UBE3A: variants seen among roughly 807,000 people sequenced by gnomAD.
UBE3A encodes the protein ubiquitin-protein ligase E3A.
UBE3A carries 6 observed loss-of-function variants against 83.4 expected under a neutral mutation model. The ratio of observed to expected loss-of-function variants is 0.07; its 90% CI spans 0.04 to 0.14. The LOEUF is 0.14. Among genes scored for constraint, UBE3A ranks in the 10% least tolerant of loss-of-function variants. The pLI is 1.00. For missense variants in UBE3A, 456 were observed against 1,036.1 expected (o/e 0.44, Z 7.69); for synonymous variants, 337 against 355.4 (o/e 0.95, Z 0.58).
intron 6 of UBE3A, among the ~76,000 whole-genome samples, chr15:25,365,963 T>C (rs562757962): frequency 1.3e-5 from 2 of 152,188 alleles, no homozygotes; most frequent in East Asian, 1.9e-4. Flanking sequence ...CCATGAGACC[T>C]GGAATCCTGA....
chr15:25,339,679 A>G (rs2074398814), intron 12 of UBE3A: 1 of 311,698 alleles, frequency 3.2e-6, no homozygotes, highest in African/African-American at 2.2e-5. Context: ...TGTGCTCTTA[A>G]ATGCTTATTA....
chr15:25,378,602 A>C (rs1329623750), intron 4 of UBE3A, among the ~76,000 whole-genome samples: 1 of 152,168 alleles, frequency 6.6e-6, no homozygotes, highest in Non-Finnish European at 1.5e-5. Context: ...TCACGAAACC[A>C]AGATCTCAAA....
In UBE3A at chr15:25,397,139, T is replaced by C. The variant is rs968454647; in HGVS notation, c.62+8322A>G. Among the ~76,000 whole-genome samples the C allele has an allele frequency of 1.6e-4, 25 of 152,180 alleles. 1 individual carries two copies. Among genetic ancestry groups the C allele is most frequent in the African/African-American group, 5.5e-4 (23 of 41,444 alleles). ...GCTGCCTGGCTACAGTTTCTAGATA[T>C]AGGAATGTGAGAAATGGTAGCAGCC... On this transcript the variant is annotated intron_variant, in intron 4 of 12. Coordinates refer to ENST00000648336, the MANE Select transcript of UBE3A (RefSeq NM_130839.5).
intron 4 of UBE3A, among the ~76,000 whole-genome samples, chr15:25,382,797 G>T (rs1325534064): frequency 6.6e-6 from 1 of 151,800 alleles, no homozygotes; most frequent in Non-Finnish European, 1.5e-5. Flanking sequence ...AAATAAATAG[G>T]ACCTTAAAAG....
intron 4 of UBE3A, among the ~76,000 whole-genome samples, chr15:25,402,655 C>CTA (rs1217006138): frequency 3.3e-5 from 5 of 152,158 alleles, no homozygotes; most frequent in African/African-American, 1.2e-4. Context: ...ATGTTAGGGT[C>CTA]TAAGTCTGGT....
intron 1 of UBE3A, chr15:25,418,195 C>T (rs1887903592): frequency 6.6e-6 from 1 of 152,102 alleles, no homozygotes; most frequent in African/African-American, 2.4e-5. Flanking sequence ...CTATTGTCAA[C>T]TATGATCTCG....
intron 3 of UBE3A, chr15:25,407,840 A>C (rs2089009219): frequency 6.6e-6 from 1 of 152,244 alleles, no homozygotes; most frequent in Non-Finnish European, 1.5e-5. Flanking sequence ...AATTTATAAT[A>C]GTTTCTGTCT....
In UBE3A at chr15:25,370,486, C is replaced by T; in HGVS notation, c.1608+80G>A. ...CTATGCTATATGGTATCATTTTTTTCAGTCACTTTTAAAATGAATTCACTG... is the reference window on the plus strand; with the variant it reads ...CTATGCTATATGGTATCATTTTTTTTAGTCACTTTTAAAATGAATTCACTG... On this transcript the variant is annotated intron_variant, in intron 6 of 12. Transcript: ENST00000648336. This position sits in a 1 kb window ranked among gnomAD's most constrained non-coding sequence, Gnocchi z 4.2. 1 of 1,524,030 alleles carries T rather than the reference C, an allele frequency of 6.6e-7. No individual in the cohort carries two copies. The highest frequency in any genetic ancestry group is 9.1e-7 in the Non-Finnish European group (1 of 1,099,828). The allele number at this position is 1,524,030 out of a possible 1,614,324, so 94.4% of individuals were successfully genotyped here. A position where few individuals can be genotyped will look rare whatever the true frequency, so the allele number is the denominator to read the frequency against.
chr15:25,410,708 G>C (rs1231641862), intron 2 of UBE3A, among the ~76,000 whole-genome samples: 3 of 152,168 alleles, frequency 2.0e-5, no homozygotes, highest in African/African-American at 7.2e-5. Flanking sequence ...GGATTGGCCT[G>C]AATATATAAA....
intron 1 of UBE3A, among the ~76,000 whole-genome samples, chr15:25,428,177 T>C (rs1346424093): frequency 6.6e-6 from 1 of 152,154 alleles, no homozygotes; most frequent in Non-Finnish European, 1.5e-5. Flanking sequence ...TCATTAAAAA[T>C]GAACTGTACA....
rs1566818201 is a variant in UBE3A at position 25,339,105 on chromosome 15, C to A, written c.*32G>T. ...TAAATTTTTTCTTTTTTTTTCCTTCCTTTTTTTTGTTTTATTTTGTTTTGT... is the reference window on the plus strand; with the variant it reads ...TAAATTTTTTCTTTTTTTTTCCTTCATTTTTTTTGTTTTATTTTGTTTTGT... On this transcript the variant is annotated 3_prime_UTR_variant, in exon 13 of 13. Transcript: ENST00000648336. The A allele has an allele frequency of 1.4e-6, 2 of 1,440,478 alleles. No homozygotes were observed. The highest frequency in any genetic ancestry group is 1.8e-6 in the Non-Finnish European group (2 of 1,088,582). 89.2% of individuals were successfully genotyped at this position (1,440,478 alleles called of 1,614,324 possible).
rs188665032 is a variant in UBE3A at position 25,412,077 on chromosome 15, A to C, written c.-164-106T>G. 5.6e-4 allele frequency: 86 copies of C among 152,314 alleles called. 3 individuals carry two copies. The highest frequency in any genetic ancestry group is 4.3e-3 in the Admixed American group (66 of 15,292). 9.4% of individuals were successfully genotyped at this position (152,314 alleles called of 1,614,324 possible). On this transcript the variant is annotated intron_variant, in intron 1 of 12. Transcript: ENST00000648336. ...TCATAAAGGCAAATTTATTTTCTAT[A>C]ATTATGAACATCCAAAAACGTATCA...
At position 25,438,807 on chromosome 15, in the gene UBE3A, CG is replaced by C. The variant is rs1895954348; in HGVS notation, c.-484del. 3 of 152,434 alleles carry C rather than the reference CG, an allele frequency of 2.0e-5. No homozygotes were observed. The highest frequency in any genetic ancestry group is 2.4e-5 in the African/African-American group (1 of 41,442). The allele number at this position is 152,434 out of a possible 1,614,324, so 9.4% of individuals were successfully genotyped here. ...CGCCGCCGCCCGCAGCCGAGCGCGCCGGGTCGGCAGAGGTGAAGCGTAAGTA... is the reference window on the plus strand; with the variant it reads ...CGCCGCCGCCCGCAGCCGAGCGCGCCGGTCGGCAGAGGTGAAGCGTAAGTA... On this transcript the variant is annotated 5_prime_UTR_variant, in exon 1 of 13. Transcript: ENST00000648336.
intron 3 of UBE3A, chr15:25,407,408 A>G: frequency 7.3e-6 from 3 of 410,014 alleles, no homozygotes; most frequent in Non-Finnish European, 6.9e-6. Flanking sequence ...AGACACAAGA[A>G]GAAAAACAAA....
chr15:25,364,299 C>A (rs1008814813), intron 6 of UBE3A, among the ~76,000 whole-genome samples: 2 of 151,970 alleles, frequency 1.3e-5, no homozygotes, highest in Non-Finnish European at 2.9e-5. Flanking sequence ...TAAAATTTAG[C>A]AATAACCATT....
Position 25,334,998 on chromosome 15 carries a change from T to C in UBE3A, c.*4139A>G, listed in dbSNP as rs1188347723. The C allele has an allele frequency of 6.7e-6, 1 of 148,976 alleles. No individual in the cohort carries two copies. Among genetic ancestry groups the C allele is most frequent in the Non-Finnish European group, 1.5e-5 (1 of 67,504 alleles). 9.2% of individuals were successfully genotyped at this position (148,976 alleles called of 1,614,324 possible). ...GTGAAAGGCAAAATGGTTTGTTTTT[T>C]TTTTTAAAAATGACAGTCTCTATCA... On this transcript the variant is annotated 3_prime_UTR_variant, in exon 13 of 13. Coordinates refer to ENST00000648336, the MANE Select transcript of UBE3A (RefSeq NM_130839.5).
intron 12 of UBE3A, 200 bp downstream of exon 12, chr15:25,339,885 A>T: frequency 1.6e-6 from 1 of 644,130 alleles, no homozygotes; most frequent in Non-Finnish European, 2.6e-6. Flanking sequence ...GAGCCCCATA[A>T]TAATTTTTAA....
Position 25,335,632 on chromosome 15 carries a change from T to C in UBE3A, c.*3505A>G, listed in dbSNP as rs2073927438. ...ATGATTGGGGTGAAGGTTACATTTC[T>C]TAAAAAGAAACAAAGAATGGTCGGT... On this transcript the variant is annotated 3_prime_UTR_variant, in exon 13 of 13. Coordinates refer to ENST00000648336, the MANE Select transcript of UBE3A (RefSeq NM_130839.5). 1 of 152,160 alleles carries C rather than the reference T, an allele frequency of 6.6e-6. No individual in the cohort carries two copies. Among genetic ancestry groups the C allele is most frequent in the African/African-American group, 2.4e-5 (1 of 41,430 alleles). The allele number at this position is 152,160 out of a possible 1,614,324, so 9.4% of individuals were successfully genotyped here.
At chr15:25,367,476 G>A (rs1449150807) in intron 6 of UBE3A, among the ~76,000 whole-genome samples, 1 of 151,950 alleles carries the variant, frequency 6.6e-6, no homozygotes, top group South Asian at 2.1e-4. Context: ...CTGAAAATAA[G>A]TCCTAGGGGA....
Sources: gnomAD v4.1 joint callset for allele counts (sites outside exome capture counted in the v4.1 genomes callset) on GRCh38, gnomAD v4.1.1 for gene constraint, Gnocchi (gnomAD v3.1) non-coding constraint, MANE v1.5 for transcripts, NCBI Gene and HGNC (gene_info 2026-07-23, HGNC 2026-07-21) for gene names.